The following MYLK variants were observed in gnomAD, a reference collection of about 807,000 sequenced individuals.
MYLK encodes the protein myosin light chain kinase, smooth muscle.
A neutral mutation model predicts 203.4 loss-of-function variants in MYLK; 106 were observed. The observed-to-expected ratio is 0.52, with a 90% CI of 0.45 to 0.61. The LOEUF is 0.61. MYLK is among the 20% of genes least tolerant of loss of function. The pLI, the probability that MYLK is intolerant of heterozygous loss-of-function variation, is 0.00. For missense variants in MYLK, 2,072 were observed against 2,442.3 expected (o/e 0.85, Z 3.20); for synonymous variants, 867 against 959.5 (o/e 0.90, Z 1.78).
chr3:123,793,873 C>T (rs2064885238), intron 3 of MYLK, 29 bp from the exon 4 acceptor site: 1 of 1,613,506 alleles, frequency 6.2e-7, no homozygotes, highest in African/African-American at 1.3e-5. Flanking sequence ...AGGACAAGGT[C>T]AGATCAGACA....
At chr3:123,747,062 T>C (rs2063041206) in intron 5 of MYLK, among the ~76,000 whole-genome samples, 1 of 152,166 alleles carries the variant, frequency 6.6e-6, no homozygotes. Flanking sequence ...AAATGTATAA[T>C]GTCATCAATC....
intron 3 of MYLK, among the ~76,000 whole-genome samples, chr3:123,814,802 T>G (rs186581240): frequency 6.6e-6 from 1 of 152,136 alleles, no homozygotes; most frequent in Non-Finnish European, 1.5e-5. Context: ...CTTTCTTTCT[T>G]TCTTTTTTTA....
At chr3:123,666,988 A>G in intron 21 of MYLK, 149 bp downstream of exon 21, 2 of 751,454 alleles carry the variant, frequency 2.7e-6, no homozygotes, top group Non-Finnish European at 2.3e-6. Flanking sequence ...CTCAGCCTGA[A>G]AAATGCAGAG....
intron 24 of MYLK, among the ~76,000 whole-genome samples, chr3:123,656,174 A>G (rs962126027): frequency 2.6e-5 from 4 of 152,150 alleles, no homozygotes; most frequent in Admixed American, 6.5e-5. Context: ...GTTCGTGTGC[A>G]TCTGAATCCC....
chr3:123,629,782 A>G lies in MYLK; in HGVS notation c.4962-156T>C, dbSNP rs561674421. 1 of 733,762 alleles carries G rather than the reference A, an allele frequency of 1.4e-6. No individual in the cohort carries two copies. The highest frequency in any genetic ancestry group is 2.7e-5 in the East Asian group (1 of 36,956). 45.5% of individuals were successfully genotyped at this position (733,762 alleles called of 1,614,324 possible). ...ACCTGCCTTTCTTCCACTTGTGGAAAGAAAAGAGGGTGTGGTTCACAGCCC... is the reference window on the plus strand; with the variant it reads ...ACCTGCCTTTCTTCCACTTGTGGAAGGAAAAGAGGGTGTGGTTCACAGCCC... On this transcript the variant is annotated intron_variant, in intron 29 of 33. Coordinates refer to ENST00000360304, the MANE Select transcript of MYLK (RefSeq NM_053025.4). The surrounding 1 kb of genome is among the most constrained non-coding windows in gnomAD (Gnocchi z 4.4).
intron 15 of MYLK, 48 bp from the exon 16 acceptor site, chr3:123,708,051 G>A: frequency 6.2e-7 from 1 of 1,610,992 alleles, no homozygotes; most frequent in Non-Finnish European, 8.5e-7. Flanking sequence ...CCCTCAGCAG[G>A]CAGTGTCCAC....
rs1411027778 is a variant in MYLK, at chr3:123,700,185, C to T, written c.3283G>A (p.Gly1095Arg). ...TTCTGCTTGAAGGCTGGGGCTGTCC[C>T]CTGGCTCTCTGATCTCTTTTCATTA... ...TDNEKRSESQ[G>R]TAPAFKQKLQ... Residue 1095 changes from glycine to arginine, a missense_variant, in exon 18 of 34, where the codon GGG (glycine) becomes AGG (arginine). Physicochemically the swap from Gly to Arg is moderately radical, Grantham distance 125. Around this residue, in one of 3 missense-constraint regions of MYLK, gnomAD observed 865 missense variants for 1,016.0 expected, o/e 0.85. Coordinates refer to ENST00000360304, the MANE Select transcript of MYLK (RefSeq NM_053025.4). 4 of 1,613,832 alleles carry T rather than the reference C, an allele frequency of 2.5e-6. No homozygotes were observed. In the African/African-American group the frequency reaches 5.3e-5, roughly 22 times the overall value.
intron 2 of MYLK, among the ~76,000 whole-genome samples, chr3:123,854,685 C>A (rs1427246526): frequency 6.6e-6 from 1 of 152,150 alleles, no homozygotes; most frequent in Admixed American, 6.5e-5. Flanking sequence ...TCAATAGAAG[C>A]CCAAACCTTA....
At chr3:123,662,917 C>A (rs944408338) in intron 23 of MYLK, among the ~76,000 whole-genome samples, 2 of 152,140 alleles carry the variant, frequency 1.3e-5, no homozygotes, top group Non-Finnish European at 2.9e-5. Context: ...CCAGCAAGGC[C>A]CCTTTTTCTA....
intron 13 of MYLK, among the ~76,000 whole-genome samples, chr3:123,719,806 C>CAAACACCTCCACTGTG (rs2062023572): frequency 6.6e-6 from 1 of 152,330 alleles, no homozygotes; most frequent in African/African-American, 2.4e-5. Context: ...CAGTAGGGAA[C>CAAACACCTCCACTGTG]AAACACCTCC....
In MYLK at chr3:123,793,754, T is replaced by G; in HGVS notation, c.88A>C (p.Thr30Pro). 1 of 1,614,066 alleles carries G rather than the reference T, an allele frequency of 6.2e-7. No individual in the cohort carries two copies. The highest frequency in any genetic ancestry group is 8.5e-7 in the Non-Finnish European group (1 of 1,180,002). ...GGCAAAATGAAAGCAGGGGCCTCTG[T>G]CAGGGGCATGGAGTCAACTCTTGAG... The part of the protein sequence containing the change: ...DPSRVDSMPL[T>P]EAPAFILPPR... The change falls in exon 4 of 34, where the codon ACA becomes CCA. Residue 30 changes from threonine to proline, a missense_variant. Coordinates refer to ENST00000360304, the MANE Select transcript of MYLK (RefSeq NM_053025.4).
chr3:123,708,800 G>A lies in MYLK; in HGVS notation c.2038C>T (p.Leu680Phe), dbSNP rs767729629. 6 of 1,614,070 alleles carry A rather than the reference G, an allele frequency of 3.7e-6. No homozygotes were observed. The African/African-American group carries it at 4.0e-5, about 11-fold the overall frequency. ...TCCGGGAACACTTCCTGGATACAAA[G>A]GCTGTGCTGAGTTCCTCTCTGTTCA... ...HFEQRGTQHSLCIQEVFPEDT... is the reference protein window; with the variant it reads ...HFEQRGTQHSFCIQEVFPEDT... Residue 680 changes from leucine (L) to phenylalanine (F), a missense_variant, in exon 15 of 34, where the codon CTT becomes TTT. Physicochemically the swap from Leu to Phe is conservative, Grantham distance 22. Transcript: ENST00000360304.
chr3:123,629,704 G>T lies in MYLK; in HGVS notation c.4962-78C>A. The T allele has an allele frequency of 6.5e-7, 1 of 1,531,746 alleles. No homozygotes were observed. The highest frequency in any genetic ancestry group is 9.0e-7 in the Non-Finnish European group (1 of 1,109,902). The allele number at this position is 1,531,746 out of a possible 1,614,324, so 94.9% of individuals were successfully genotyped here. A position where few individuals can be genotyped will look rare whatever the true frequency, so the allele number is the denominator to read the frequency against. On this transcript the variant is annotated intron_variant, in intron 29 of 33. Coordinates refer to ENST00000360304, the MANE Select transcript of MYLK (RefSeq NM_053025.4). The surrounding 1 kb of genome is among the most constrained non-coding windows in gnomAD (Gnocchi z 4.4). ...CAGGTGAGTGGTAACTGAGGTCAAA[G>T]GCGAGGGTCGGCCAGCCTCCCCACC...
intron 3 of MYLK, among the ~76,000 whole-genome samples, chr3:123,802,457 C>T (rs2065228836): frequency 6.6e-6 from 1 of 152,270 alleles, no homozygotes; most frequent in Admixed American, 6.5e-5. Context: ...CTGCCCACAT[C>T]AGCTGGGCCA....
At chr3:123,716,707 TGCCACTAGGA>T (rs1285356522) in intron 13 of MYLK, among the ~76,000 whole-genome samples, 1 of 152,210 alleles carries the variant, frequency 6.6e-6, no homozygotes, top group Non-Finnish European at 1.5e-5. Flanking sequence ...GGTCACATTT[TGCCACTAGGA>T]GCTCAATCCT....
intron 18 of MYLK, among the ~76,000 whole-genome samples, chr3:123,695,190 C>T (rs1307875040): frequency 6.6e-6 from 1 of 152,222 alleles, no homozygotes; most frequent in Non-Finnish European, 1.5e-5. Flanking sequence ...CTGGCAAGCC[C>T]AGACAGTAAG....
chr3:123,741,963 C>G (rs563353394), intron 5 of MYLK, among the ~76,000 whole-genome samples: 8 of 152,346 alleles, frequency 5.3e-5, no homozygotes, highest in African/African-American at 1.9e-4. Context: ...GGTTGACACT[C>G]TGTCTCCATC....
intron 1 of MYLK, among the ~76,000 whole-genome samples, chr3:123,882,206 G>A (rs1187629275): frequency 6.6e-6 from 1 of 152,142 alleles, no homozygotes; most frequent in African/African-American, 2.4e-5. Flanking sequence ...GATCACTTGA[G>A]CCCATTAGAC....
In MYLK at chr3:123,788,365, C is replaced by CT. The variant is rs947170713; in HGVS notation, c.165+5311dup. Among the ~76,000 whole-genome samples the CT allele has an allele frequency of 3.0e-3, 437 of 143,344 alleles. 2 individuals carry two copies. Among genetic ancestry groups the CT allele is most frequent in the Middle Eastern group, 0.014 (4 of 278 alleles). The allele number at this position is 143,344 out of a possible 152,430, so 94.0% of individuals were successfully genotyped here. On this transcript the variant is annotated intron_variant, in intron 4 of 33. Transcript: ENST00000360304. The stretch of plus-strand genomic sequence containing the variant: ...AACCAGACATTTCTTTCAAATTTCT[C>CT]TTTTTTTTTTTGATTTGTTATTTCT...
Sources: gnomAD v4.1 joint callset for allele counts (sites outside exome capture counted in the v4.1 genomes callset) on GRCh38, gnomAD v4.1.1 for gene constraint, gnomAD v4.1.1 regional missense constraint, Gnocchi (gnomAD v3.1) non-coding constraint, MANE v1.5 for transcripts, NCBI Gene and HGNC (gene_info 2026-07-23, HGNC 2026-07-21) for gene names.